The following CMSS1 variants were observed in gnomAD, a reference collection of about 807,000 sequenced individuals.
The protein encoded by CMSS1 is cms1 ribosomal small subunit homolog, also known as protein CMSS1.
A neutral mutation model predicts 43.5 loss-of-function variants in CMSS1; 33 were observed. The observed-to-expected ratio is 0.76, with a 90% CI of 0.57 to 1.01. The LOEUF (loss-of-function observed/expected upper bound fraction) is 1.01, where lower values mean the gene tolerates loss of function less well. Ranked by LOEUF, CMSS1 falls within the 50% of genes least tolerant of loss-of-function variation. The pLI is 0.00. For synonymous variants in CMSS1, 115 were observed against 117.2 expected (o/e 0.98, Z 0.12); for missense variants, 313 against 326.4 (o/e 0.96, Z 0.32).
At chr3:100,123,047 T>C (rs552116416) in intron 1 of CMSS1, among the ~76,000 whole-genome samples, 1 of 152,342 alleles carries the variant, frequency 6.6e-6, no homozygotes, top group East Asian at 1.9e-4. Context: ...GTCCCTCCTA[T>C]CTTGGAATGT....
chr3:100,163,187 TTCA>T (rs1217258458), intron 4 of CMSS1, among the ~76,000 whole-genome samples: 1 of 152,216 alleles, frequency 6.6e-6, no homozygotes, highest in Non-Finnish European at 1.5e-5. Context: ...TGAGTAGGAA[TTCA>T]TCATGAGGAT....
chr3:99,959,808 G>A (rs928432892), intron 1 of CMSS1, among the ~76,000 whole-genome samples: 1 of 152,198 alleles, frequency 6.6e-6, no homozygotes, highest in African/African-American at 2.4e-5. Flanking sequence ...TTGTACTAAT[G>A]TAATTTTTTT....
intron 1 of CMSS1, among the ~76,000 whole-genome samples, chr3:100,054,378 T>C (rs1025204214): frequency 6.6e-6 from 1 of 152,182 alleles, no homozygotes; most frequent in African/African-American, 2.4e-5. Flanking sequence ...TAGGCCTACA[T>C]TCTTGTAGCT....
At chr3:99,896,486 T>C (rs1304155762) in intron 1 of CMSS1, among the ~76,000 whole-genome samples, 1 of 152,214 alleles carries the variant, frequency 6.6e-6, no homozygotes, top group Non-Finnish European at 1.5e-5. Flanking sequence ...CACCTTAAGC[T>C]ACTGAGGCTT....
intron 1 of CMSS1, among the ~76,000 whole-genome samples, chr3:99,858,261 C>T (rs188492503): frequency 4.9e-4 from 75 of 152,026 alleles, no homozygotes; most frequent in African/African-American, 1.7e-3. Flanking sequence ...GTGAGGAGAT[C>T]GAGACCATCC....
intron 2 of CMSS1, among the ~76,000 whole-genome samples, chr3:100,157,951 G>A (rs1204673268): frequency 6.6e-6 from 1 of 152,166 alleles, no homozygotes; most frequent in Non-Finnish European, 1.5e-5. Context: ...GCAGGTCAAA[G>A]ACTTACTTAT....
intron 1 of CMSS1, among the ~76,000 whole-genome samples, chr3:100,013,347 G>A (rs568574581): frequency 1.5e-4 from 23 of 151,966 alleles, no homozygotes; most frequent in Admixed American, 1.0e-3. Context: ...AGGTTCAAGC[G>A]ATTCTCCTGC....
At chr3:100,126,841 A>G (rs1197851338) in intron 1 of CMSS1, among the ~76,000 whole-genome samples, 1 of 152,178 alleles carries the variant, frequency 6.6e-6, no homozygotes, top group Non-Finnish European at 1.5e-5. Context: ...TACTAAAAAT[A>G]CAAAAAATTA....
chr3:100,062,610 T>C (rs1210484614), intron 1 of CMSS1, among the ~76,000 whole-genome samples: 5 of 152,222 alleles, frequency 3.3e-5, no homozygotes, highest in Admixed American at 3.3e-4. Context: ...CAATTAGAGC[T>C]ACATCACCTC....
At chr3:99,844,660 A>T (rs977631478) in intron 1 of CMSS1, among the ~76,000 whole-genome samples, 1 of 152,186 alleles carries the variant, frequency 6.6e-6, no homozygotes, top group African/African-American at 2.4e-5. Context: ...CCCTTCTATG[A>T]CCATCTCACA....
chr3:99,983,456 ATATGTGTG>A (rs1559713638), intron 1 of CMSS1, among the ~76,000 whole-genome samples: 2 of 9,858 alleles, frequency 2.0e-4, no homozygotes, highest in East Asian at 3.5e-3. Flanking sequence ...GTATATATAT[ATATGTGTG>A]TATATATATA....
At chr3:100,048,183 T>A (rs1178216748) in intron 1 of CMSS1, among the ~76,000 whole-genome samples, 5 of 152,320 alleles carry the variant, frequency 3.3e-5, no homozygotes, top group Non-Finnish European at 5.9e-5. Context: ...TGAACAGCCC[T>A]CAGGGAAGGG....
intron 1 of CMSS1, among the ~76,000 whole-genome samples, chr3:99,838,564 A>G (rs1448761782): frequency 5.3e-5 from 8 of 152,230 alleles, no homozygotes; most frequent in African/African-American, 1.7e-4. Flanking sequence ...AGGAGGTAAC[A>G]TTAGACAATC....
chr3:100,139,454 AGT>A (rs2066784141), intron 1 of CMSS1, among the ~76,000 whole-genome samples: 1 of 150,344 alleles, frequency 6.7e-6, no homozygotes, highest in Non-Finnish European at 1.5e-5. Flanking sequence ...GGCTGAGATG[AGT>A]GGATAACCTG....
In CMSS1 at chr3:100,172,339, G is replaced by A; in HGVS notation, c.603G>A (p.Leu201=). 1 of 1,613,864 alleles carries A rather than the reference G, an allele frequency of 6.2e-7. No homozygotes were observed. Among genetic ancestry groups the A allele is most frequent in the South Asian group, 1.1e-5 (1 of 91,066 alleles). The change falls in exon 8 of 10, where the codon CTG becomes CTA. Residue 201 remains leucine (L), a synonymous_variant. Coordinates refer to ENST00000421999, the MANE Select transcript of CMSS1 (RefSeq NM_032359.4). ...HIKVQAQVKL[L]EKRVVHLGVG... ...AGGTCCAGGCGCAGGTAAAGTTGCT[G>A]GAGAAGCGTGTGGTGCACCTGGGTG...
At chr3:99,990,888 A>G (rs79116392) in intron 1 of CMSS1, among the ~76,000 whole-genome samples, 2,239 of 152,334 alleles carry the variant, frequency 0.015, 25 homozygotes, top group Non-Finnish European at 0.024. Context: ...ACTCCCATCT[A>G]TGCAGAGAGC....
rs533278926 is a variant in CMSS1 at position 100,038,782 on chromosome 3, C to T, written c.65-108191C>T. The stretch of plus-strand genomic sequence containing the variant: ...TCCCAAGTAGCTGAGATTACAGGTG[C>T]CAAGCCACGGTGCCCAGCTGCTCCT... On this transcript the variant is annotated intron_variant, in intron 1 of 9. Transcript: ENST00000421999. 2.0e-5 allele frequency among the ~76,000 whole-genome samples: 3 copies of T among 152,258 alleles called. No individual in the cohort carries two copies. The South Asian group carries it at 6.2e-4, about 32-fold the overall frequency.
chr3:99,964,303 T>C (rs986079191), intron 1 of CMSS1: 3 of 150,360 alleles, frequency 2.0e-5, no homozygotes, highest in African/African-American at 7.4e-5. Flanking sequence ...AGTGTCTGTG[T>C]CTAGTTTCTC....
chr3:100,056,873 A>T (rs561230813), intron 1 of CMSS1, among the ~76,000 whole-genome samples: 1 of 152,106 alleles, frequency 6.6e-6, no homozygotes, highest in Admixed American at 6.5e-5. Flanking sequence ...GTGTGATGGC[A>T]GGCGCCTGTA....
Sources: gnomAD v4.1 joint callset for allele counts (sites outside exome capture counted in the v4.1 genomes callset) on GRCh38, gnomAD v4.1.1 for gene constraint, MANE v1.5 for transcripts, NCBI Gene and HGNC (gene_info 2026-07-23, HGNC 2026-07-21) for gene names.